The following ZSWIM6 variants were observed in gnomAD, a reference collection of about 807,000 sequenced individuals.
ZSWIM6 encodes the protein zinc finger SWIM-type containing 6.
In ZSWIM6, 9 loss-of-function variants were observed where a neutral mutation model predicts 113.2. That is an observed-to-expected ratio of 0.08 (90% CI 0.05 to 0.14). The LOEUF (loss-of-function observed/expected upper bound fraction) is 0.14. ZSWIM6 is among the 10% of genes least tolerant of loss of function. The pLI, the probability that ZSWIM6 is intolerant of heterozygous loss-of-function variation, is 1.00. For missense variants in ZSWIM6, 1,162 were observed against 1,552.2 expected (o/e 0.75, Z 4.22); for synonymous variants, 611 against 606.5 (o/e 1.01, Z -0.11).
intron 1 of ZSWIM6, among the ~76,000 whole-genome samples, chr5:61,437,064 G>T (rs1319041992): frequency 6.6e-6 from 1 of 152,114 alleles, no homozygotes; most frequent in African/African-American, 2.4e-5. Flanking sequence ...ATTAGCTGGT[G>T]TAAAGTCACA....
rs1580001849 is a variant in ZSWIM6, at chr5:61,448,839, A to G, written c.677-23842A>G. On this transcript the variant is annotated intron_variant, in intron 1 of 13. Coordinates refer to ENST00000252744, the MANE Select transcript of ZSWIM6 (RefSeq NM_020928.2). ...GTGGAAGTTAAGACTAGCCTTGACT[A>G]GAAATACTGAAGTAGTCTGAAAAAA... Among the ~76,000 whole-genome samples, 4 of 152,234 alleles carry G rather than the reference A, an allele frequency of 2.6e-5. No homozygotes were observed. In the South Asian group the frequency reaches 8.3e-4, roughly 31 times the overall value.
At chr5:61,518,354 G>A (rs1257300061) in intron 4 of ZSWIM6, among the ~76,000 whole-genome samples, 4 of 151,548 alleles carry the variant, frequency 2.6e-5, no homozygotes, top group East Asian at 1.9e-4. Context: ...GATCCCTGAG[G>A]AATCGCCACA....
intron 1 of ZSWIM6, chr5:61,391,986 A>C: frequency 4.8e-6 from 2 of 420,236 alleles, no homozygotes; most frequent in Non-Finnish European, 4.2e-6. Flanking sequence ...TTTTGTGTAT[A>C]TTTTCCTTCA....
chr5:61,496,346 T>G (rs1748314282), intron 4 of ZSWIM6, among the ~76,000 whole-genome samples: 1 of 152,158 alleles, frequency 6.6e-6, no homozygotes, highest in Non-Finnish European at 1.5e-5. Context: ...GGGTCTAAGT[T>G]CTGTGAAGAA....
intron 1 of ZSWIM6, among the ~76,000 whole-genome samples, chr5:61,338,149 C>A (rs1744444557): frequency 7.5e-6 from 1 of 134,160 alleles, no homozygotes. Context: ...ATATTCATAA[C>A]TTAAAGTTTT....
intron 1 of ZSWIM6, among the ~76,000 whole-genome samples, chr5:61,334,516 T>C (rs932331070): frequency 6.6e-6 from 1 of 152,178 alleles, no homozygotes; most frequent in African/African-American, 2.4e-5. Context: ...TCTTTGGAAG[T>C]GGGGTGGGGG....
At chr5:61,420,765 G>A (rs1746340302) in intron 1 of ZSWIM6, among the ~76,000 whole-genome samples, 1 of 152,016 alleles carries the variant, frequency 6.6e-6, no homozygotes, top group Non-Finnish European at 1.5e-5. Context: ...ATCACATCAG[G>A]GTAAATGGCA....
At position 61,332,276 on chromosome 5, in the gene ZSWIM6, G is replaced by A; in HGVS notation, c.4G>A (p.Ala2Thr). ...TCGGGTTAGAAGCGGCGCGGTCATG[G>A]CGGAGCGCGGACAGCAGCCTCCTCC... is the stretch of plus-strand genomic sequence containing the variant. Reference protein sequence around the residue: MAERGQQPPPAK... With the variant: MTERGQQPPPAK... The change falls in exon 1 of 14, where the codon GCG becomes ACG. Residue 2 changes from alanine (A) to threonine (T), a missense_variant. By Grantham distance (58) the Ala-to-Thr change is moderately conservative. Transcript: ENST00000252744. 8.6e-7 allele frequency: 1 copy of A among 1,166,430 alleles called. No individual in the cohort carries two copies. Among genetic ancestry groups the A allele is most frequent in the Non-Finnish European group, 1.1e-6 (1 of 944,188 alleles). 72.3% of individuals were successfully genotyped at this position (1,166,430 alleles called of 1,614,324 possible).
At chr5:61,341,492 T>G (rs1051523806) in intron 1 of ZSWIM6, among the ~76,000 whole-genome samples, 3 of 152,246 alleles carry the variant, frequency 2.0e-5, no homozygotes, top group African/African-American at 7.2e-5. Flanking sequence ...TTTATGTCAA[T>G]TAGCCTATGA....
intron 1 of ZSWIM6, among the ~76,000 whole-genome samples, chr5:61,468,564 C>T (rs1747489423): frequency 6.6e-6 from 1 of 152,176 alleles, no homozygotes; most frequent in African/African-American, 2.4e-5. Context: ...TCTGCATTTG[C>T]AGCCCTAAAA....
At chr5:61,390,617 A>T in intron 1 of ZSWIM6, 1 of 670,362 alleles carries the variant, frequency 1.5e-6, no homozygotes, top group Admixed American at 2.1e-5. Flanking sequence ...TTTTTTTTCC[A>T]GTGGAAAATA....
At chr5:61,490,032 T>C (rs1748135903) in intron 2 of ZSWIM6, among the ~76,000 whole-genome samples, 1 of 152,056 alleles carries the variant, frequency 6.6e-6, no homozygotes, top group Non-Finnish European at 1.5e-5. Flanking sequence ...TTTTTTTGTA[T>C]TACTTATGAA....
At chr5:61,338,163 T>C (rs1348740538) in intron 1 of ZSWIM6, among the ~76,000 whole-genome samples, 1 of 90,338 alleles carries the variant, frequency 1.1e-5, no homozygotes, top group Non-Finnish European at 2.0e-5. Context: ...AAGTTTTGTG[T>C]GTTTTTTTTT....
intron 1 of ZSWIM6, among the ~76,000 whole-genome samples, chr5:61,383,766 C>G (rs553546969): frequency 2.6e-5 from 4 of 151,416 alleles, no homozygotes; most frequent in African/African-American, 9.7e-5. Flanking sequence ...AGGCTGGTCT[C>G]GAACTCCTGA....
intron 2 of ZSWIM6, among the ~76,000 whole-genome samples, chr5:61,474,622 C>T (rs892697987): frequency 1.3e-5 from 2 of 152,158 alleles, no homozygotes; most frequent in African/African-American, 2.4e-5. Flanking sequence ...TAGCTCAAAA[C>T]ACTAGTAGCC....
chr5:61,370,666 C>T (rs527719733), intron 1 of ZSWIM6, among the ~76,000 whole-genome samples: 90 of 152,304 alleles, frequency 5.9e-4, no homozygotes, highest in African/African-American at 2.1e-3. Flanking sequence ...TATTTTCTTT[C>T]GCCTTTAATA....
chr5:61,458,690 C>T (rs1031762938), intron 1 of ZSWIM6, among the ~76,000 whole-genome samples: 7 of 151,954 alleles, frequency 4.6e-5, no homozygotes, highest in African/African-American at 1.7e-4. Context: ...CCAGCCTGGA[C>T]AACATGGAGA....
intron 1 of ZSWIM6, among the ~76,000 whole-genome samples, chr5:61,448,456 A>G (rs866690006): frequency 2.0e-4 from 30 of 152,198 alleles, no homozygotes; most frequent in Middle Eastern, 3.4e-3. Flanking sequence ...TCATTATTTC[A>G]TTTTCTTCCC....
intron 1 of ZSWIM6, among the ~76,000 whole-genome samples, chr5:61,419,438 T>C (rs1386469864): frequency 6.6e-6 from 1 of 152,246 alleles, no homozygotes; most frequent in Non-Finnish European, 1.5e-5. Flanking sequence ...TACTCAAGGC[T>C]ATACCATTTG....
Sources: allele counts gnomAD v4.1 joint callset (sites outside exome capture counted in the v4.1 genomes callset), GRCh38; gene constraint gnomAD v4.1.1; transcripts MANE v1.5; gene names NCBI Gene and HGNC (gene_info 2026-07-23, HGNC 2026-07-21).